Variants in TCOF1 observed in about 807,000 individuals in gnomAD.
TCOF1 encodes the protein treacle ribosome biogenesis factor 1, also known as treacle protein.
In TCOF1, 33 loss-of-function variants were observed where a neutral mutation model predicts 149.0. The ratio of observed to expected loss-of-function variants is 0.22; its 90% confidence interval spans 0.17 to 0.30. The LOEUF (loss-of-function observed/expected upper bound fraction) is 0.30. TCOF1 is among the 10% of genes least tolerant of loss of function. The pLI is 1.00. For synonymous variants in TCOF1, 789 were observed against 738.8 expected, an observed-to-expected ratio of 1.07 and a Z score of -1.10; for missense variants, 1,728 against 1,840.7, an observed-to-expected ratio of 0.94 and a Z score of 1.12.
intron 21 of TCOF1, chr5:150,392,470 A>C: frequency 1.6e-6 from 1 of 609,526 alleles, no homozygotes; most frequent in South Asian, 2.0e-5. Context: ...GGAAATAGAA[A>C]TGGGGCCTCA....
intron 24 of TCOF1, 90 bp from the exon 25 acceptor site, chr5:150,398,264 T>A: frequency 6.3e-7 from 1 of 1,592,284 alleles, no homozygotes; most frequent in South Asian, 1.2e-5. Flanking sequence ...TGGGGAAAGC[T>A]GGGAGCCCTG....
Position 150,392,088 on chromosome 5 carries a change from A to T in TCOF1, c.3429A>T (p.Ser1143=), listed in dbSNP as rs1400360437. ...AGGCCACCAAAGCCCCTGAGAGCTC[A>T]GATGACAGTGAGGACAGCAGCGACA... The part of the protein sequence containing the change: ...VQQATKAPES[S]DDSEDSSDSS... The change falls in exon 21 of 27, where the codon TCA becomes TCT. Residue 1143 remains serine (S), a synonymous_variant. Transcript: ENST00000643257. 1 of 1,614,252 alleles carries T rather than the reference A, an allele frequency of 6.2e-7. No homozygotes were observed. The highest frequency in any genetic ancestry group is 2.2e-5 in the East Asian group (1 of 44,882).
chr5:150,362,870 C>T (rs1581033057), intron 2 of TCOF1, among the ~76,000 whole-genome samples: 1 of 152,316 alleles, frequency 6.6e-6, no homozygotes, highest in East Asian at 1.9e-4. Flanking sequence ...CTGGCCCCTT[C>T]TATGGGTGAG....
At chr5:150,372,727 G>C (rs922506707) in intron 7 of TCOF1, among the ~76,000 whole-genome samples, 4 of 152,180 alleles carry the variant, frequency 2.6e-5, no homozygotes, top group African/African-American at 9.7e-5. Flanking sequence ...CCAGGCCTGG[G>C]GCAGGACAAG....
chr5:150,374,485 C>A (rs1763259629), intron 8 of TCOF1, 99 bp downstream of exon 8: 1 of 1,554,234 alleles, frequency 6.4e-7, no homozygotes, highest in Non-Finnish European at 8.7e-7. Flanking sequence ...CCGGGCGTGC[C>A]TCAGACCCCA....
intron 1 of TCOF1, among the ~76,000 whole-genome samples, chr5:150,360,184 CA>C (rs1759717396): frequency 6.6e-6 from 1 of 152,180 alleles, no homozygotes; most frequent in Non-Finnish European, 1.5e-5. Context: ...CTGTTGTCCC[CA>C]TGTTAAGAAG....
At chr5:150,373,638 G>A (rs1763034578) in intron 7 of TCOF1, among the ~76,000 whole-genome samples, 1 of 152,194 alleles carries the variant, frequency 6.6e-6, no homozygotes, top group African/African-American at 2.4e-5. Flanking sequence ...GGCTGAGGGT[G>A]GGCTTCCAGG....
intron 4 of TCOF1, chr5:150,368,382 G>C (rs1761807803): frequency 2.5e-6 from 1 of 403,030 alleles, no homozygotes; most frequent in Non-Finnish European, 4.6e-6. Flanking sequence ...ATACATACAT[G>C]TATAAAGAAT....
Position 150,376,160 on chromosome 5 carries a change from C to G in TCOF1, c.1972C>G (p.Pro658Ala). The change falls in exon 13 of 27, where the codon CCT (proline) becomes GCT (alanine). Residue 658 changes from proline (P) to alanine (A), a missense_variant. Coordinates refer to ENST00000643257, the MANE Select transcript of TCOF1 (RefSeq NM_001371623.1). ...TNTTASAKVA[P>A]VRVGTQAPRK... ...TACCACTGCATCTGCCAAGGTCGCCCCTGTGCGAGTGGGCACCCAAGCCCC... is the reference window on the plus strand; with the variant it reads ...TACCACTGCATCTGCCAAGGTCGCCGCTGTGCGAGTGGGCACCCAAGCCCC... The G allele has an allele frequency of 6.2e-7, 1 of 1,614,234 alleles. No individual in the cohort carries two copies. The highest frequency in any genetic ancestry group is 8.5e-7 in the Non-Finnish European group (1 of 1,180,048).
At position 150,379,604 on chromosome 5, in the gene TCOF1, G is replaced by A; in HGVS notation, c.2731G>A (p.Ala911Thr). 1 of 1,614,164 alleles carries A rather than the reference G, an allele frequency of 6.2e-7. No homozygotes were observed. The highest frequency in any genetic ancestry group is 8.5e-7 in the Non-Finnish European group (1 of 1,180,032). Residue 911 changes from alanine to threonine, a missense_variant, in exon 17 of 27, where the codon GCT becomes ACT. Physicochemically the swap from Ala to Thr is moderately conservative, Grantham distance 58. This residue lies in a region of TCOF1 where 1,696 missense variants were observed against 1,765.4 expected (regional missense o/e 0.96). Transcript: ENST00000643257. ...APAKESPRKG[A>T]APTPPGKTGP... is the part of the protein sequence containing the mutation. ...TGCCAAGGAGTCCCCCAGGAAAGGGGCTGCCCCAACACCTCCTGGGAAGAC... is the reference window on the plus strand; with the variant it reads ...TGCCAAGGAGTCCCCCAGGAAAGGGACTGCCCCAACACCTCCTGGGAAGAC...
intron 17 of TCOF1, among the ~76,000 whole-genome samples, chr5:150,387,444 C>T (rs1271480056): frequency 6.6e-6 from 1 of 152,210 alleles, no homozygotes; most frequent in Non-Finnish European, 1.5e-5. Flanking sequence ...AATACCTCCC[C>T]AGGTGAATTG....
At chr5:150,390,309 T>C (rs1767148879) in intron 19 of TCOF1, among the ~76,000 whole-genome samples, 1 of 152,228 alleles carries the variant, frequency 6.6e-6, no homozygotes, top group South Asian at 2.1e-4. Context: ...TTGATTTTTT[T>C]TCTTCCAGTT....
intron 3 of TCOF1, among the ~76,000 whole-genome samples, chr5:150,364,499 TG>T (rs1282719576): frequency 6.6e-6 from 1 of 152,182 alleles, no homozygotes; most frequent in African/African-American, 2.4e-5. Context: ...ATTTGGTGTA[TG>T]GGGCCCAGGA....
chr5:150,396,365 C>T lies in TCOF1; in HGVS notation c.3868C>T (p.Leu1290=). Residue 1290 remains leucine (L), a synonymous_variant, in exon 24 of 27, where the codon CTG becomes TTG. Coordinates refer to ENST00000643257, the MANE Select transcript of TCOF1 (RefSeq NM_001371623.1). ...GGCTGGGAACCCCCAAGCCTCAACC[C>T]TGGCGCTGCAAAGCAACATCACCCA... ...KGAGNPQAST[L]ALQSNITQCL... is the part of the protein sequence containing the mutation. 1 of 1,614,000 alleles carries T rather than the reference C, an allele frequency of 6.2e-7. No individual in the cohort carries two copies. The highest frequency in any genetic ancestry group is 1.3e-5 in the African/African-American group (1 of 75,074).
chr5:150,378,734 G>C (rs543237659), intron 14 of TCOF1, 171 bp from the exon 15 acceptor site: 2 of 825,002 alleles, frequency 2.4e-6, no homozygotes, highest in Non-Finnish European at 4.0e-6. Flanking sequence ...CCATTTGATA[G>C]AGGACTGAAC....
At chr5:150,360,812 C>T (rs1759894855) in intron 1 of TCOF1, among the ~76,000 whole-genome samples, 1 of 150,630 alleles carries the variant, frequency 6.6e-6, no homozygotes, top group African/African-American at 2.4e-5. Flanking sequence ...GCATGGCTCA[C>T]TGCAGCCTCG....
chr5:150,375,500 G>A lies in TCOF1; in HGVS notation c.1650G>A (p.Glu550=). 5 of 1,614,188 alleles carry A rather than the reference G, an allele frequency of 3.1e-6. No homozygotes were observed. The highest frequency in any genetic ancestry group is 3.4e-6 in the Non-Finnish European group (4 of 1,180,022). Residue 550 remains glutamate (E), a synonymous_variant, in exon 11 of 27, where the codon GAG becomes GAA. Transcript: ENST00000643257. The part of the protein sequence containing the change: ...KWEEDSESSS[E]ESSDSSDGEV... ...AGGAGGACTCAGAGAGCAGTAGTGA[G>A]GAGTCATCAGACAGCAGTGATGGAG...
At position 150,368,055 on chromosome 5, in the gene TCOF1, G is replaced by T. The variant is rs935555357; in HGVS notation, c.378+138G>T. On this transcript the variant is annotated intron_variant, in intron 4 of 26. Coordinates refer to ENST00000643257, the MANE Select transcript of TCOF1 (RefSeq NM_001371623.1). The stretch of plus-strand genomic sequence containing the variant: ...CAGAGCTCAACCTGTGTCACCAGTT[G>T]TGGGATCTTAGTCCCTTCACCTCTC... 4.4e-6 allele frequency: 4 copies of T among 918,200 alleles called. No individual in the cohort carries two copies. The East Asian group carries it at 1.1e-4, about 24-fold the overall frequency. The allele number at this position is 918,200 out of a possible 1,614,324, so 56.9% of individuals were successfully genotyped here.
At position 150,379,650 on chromosome 5, in the gene TCOF1, C is replaced by G. The variant is rs1372468746; in HGVS notation, c.2777C>G (p.Ala926Gly). ...PGKTGPSAAQAGKQDDSGSSS... is the reference protein window; with the variant it reads ...PGKTGPSAAQGGKQDDSGSSS... Reference sequence around the variant, plus strand: ...AAGACAGGGCCTTCGGCTGCCCAGGCAGGGAAGCAGGATGACTCAGGGAGC... The same window carrying G: ...AAGACAGGGCCTTCGGCTGCCCAGGGAGGGAAGCAGGATGACTCAGGGAGC... The change falls in exon 17 of 27, where the codon GCA (alanine) becomes GGA (glycine). Residue 926 changes from alanine to glycine, a missense_variant. By Grantham distance (60) the Ala-to-Gly change is moderately conservative. Transcript: ENST00000643257. 1 of 1,614,048 alleles carries G rather than the reference C, an allele frequency of 6.2e-7. No homozygotes were observed. Among genetic ancestry groups the G allele is most frequent in the Non-Finnish European group, 8.5e-7 (1 of 1,180,040 alleles).
Sources: allele counts gnomAD v4.1 joint callset (sites outside exome capture counted in the v4.1 genomes callset), GRCh38; gene constraint gnomAD v4.1.1; regional missense constraint gnomAD v4.1.1; transcripts MANE v1.5; gene names NCBI Gene and HGNC (gene_info 2026-07-23, HGNC 2026-07-21).